NUP210: variants seen among roughly 807,000 people sequenced by gnomAD.
The protein encoded by NUP210 is nucleoporin 210.
In NUP210, 151 loss-of-function variants were observed where a neutral mutation model predicts 196.0. That is an observed-to-expected ratio of 0.77 (90% CI 0.67 to 0.88). The LOEUF (loss-of-function observed/expected upper bound fraction) is 0.88. NUP210 is among the 40% of genes least tolerant of loss of function. NUP210 has a pLI of 0.00. For synonymous variants in NUP210, 1,070 were observed against 1,052.7 expected (o/e 1.02, Z -0.32); for missense variants, 2,314 against 2,493.7 (o/e 0.93, Z 1.53).
Position 13,340,144 on chromosome 3 carries a change from A to G in NUP210, c.3291+92T>C. The G allele has an allele frequency of 1.9e-6, 3 of 1,603,460 alleles. No homozygotes were observed. Among genetic ancestry groups the G allele is most frequent in the Non-Finnish European group, 2.6e-6 (3 of 1,172,772 alleles). On this transcript the variant is annotated intron_variant, in intron 24 of 39. Coordinates refer to ENST00000254508, the MANE Select transcript of NUP210 (RefSeq NM_024923.4). This position sits in a 1 kb window ranked among gnomAD's most constrained non-coding sequence, Gnocchi z 4.0. Reference sequence around the variant, plus strand: ...CAGGCAGCTTCTGCCTTCTTCTCCCAGTCACTGCACGCAGGGCCAGAGGCG... The same window carrying G: ...CAGGCAGCTTCTGCCTTCTTCTCCCGGTCACTGCACGCAGGGCCAGAGGCG...
chr3:13,334,940 ACTTACCCTGTGAC>A (rs1697148403), intron 28 of NUP210, among the ~76,000 whole-genome samples: 1 of 151,954 alleles, frequency 6.6e-6, no homozygotes, highest in South Asian at 2.1e-4. Context: ...GCCACCCCCA[ACTTACCCTGTGAC>A]CTTGACCCTC....
chr3:13,358,699 G>A (rs1016096221), intron 15 of NUP210, among the ~76,000 whole-genome samples: 4 of 152,134 alleles, frequency 2.6e-5, no homozygotes, highest in Non-Finnish European at 5.9e-5. Flanking sequence ...AAAACCCCAC[G>A]GTTGCATTAG....
chr3:13,378,420 A>G (rs1266284294), intron 8 of NUP210, among the ~76,000 whole-genome samples: 1 of 152,186 alleles, frequency 6.6e-6, no homozygotes, highest in South Asian at 2.1e-4. Context: ...CTTCCACACC[A>G]TTGCCTAAGC....
intron 31 of NUP210, 67 bp downstream of exon 31, chr3:13,328,703 TC>T: frequency 1.4e-6 from 2 of 1,405,042 alleles, no homozygotes; most frequent in Non-Finnish European, 2.0e-6. Context: ...TTCTGTGTTA[TC>T]CCCAGTTGTC....
rs1216152518 is a variant in NUP210 at position 13,327,326 on chromosome 3, G to A, written c.4398C>T (p.Leu1466=). The change falls in exon 32 of 40, where the codon CTC becomes CTT. Residue 1466 remains leucine, a synonymous_variant. Transcript: ENST00000254508. ...GGACAGGCAGGGGCATGAAGTCCGA[G>A]AGGCCCGGGTGCTCTGCGTCCCACA... ...LRVWDAEHPG[L]SDFMPLPVLQ... 2 of 1,613,330 alleles carry A rather than the reference G, an allele frequency of 1.2e-6. No individual in the cohort carries two copies. Among genetic ancestry groups the A allele is most frequent in the African/African-American group, 2.7e-5 (2 of 74,928 alleles).
At chr3:13,319,417 T>A in intron 37 of NUP210, 92 bp from the exon 38 acceptor site, 1 of 1,051,912 alleles carries the variant, frequency 9.5e-7, no homozygotes, top group South Asian at 1.4e-5. Flanking sequence ...TACAGGGCAG[T>A]CCACAGGTCC....
At chr3:13,356,047 A>C (rs532633831) in intron 16 of NUP210, among the ~76,000 whole-genome samples, 3 of 152,336 alleles carry the variant, frequency 2.0e-5, no homozygotes, top group African/African-American at 7.2e-5. Flanking sequence ...CCCCTGACTC[A>C]GTGTGGCCAA....
rs546477543 is a variant in NUP210, at chr3:13,363,282, G to A, written c.1932+2664C>T. 5.3e-5 allele frequency among the ~76,000 whole-genome samples: 8 copies of A among 152,244 alleles called. No individual in the cohort carries two copies. In the South Asian group the frequency reaches 1.0e-3, roughly 20 times the overall value. ...CCAAGCTAACCCAGCTGGTGGGCCC[G>A]GGTCTGTTCTGACTCTTGATCCCAT... On this transcript the variant is annotated intron_variant, in intron 14 of 39. Transcript: ENST00000254508.
At chr3:13,396,760 C>CA (rs71066951) in intron 3 of NUP210, among the ~76,000 whole-genome samples, 22,473 of 62,138 alleles carry the variant, frequency 0.36, 5,362 homozygotes, top group East Asian at 0.65. Context: ...GACTCTGTCT[C>CA]AAAAAAAAAA....
At position 13,323,365 on chromosome 3, in the gene NUP210, T is replaced by A; in HGVS notation, c.4712A>T (p.Glu1571Val). The change falls in exon 34 of 40, where the codon GAG becomes GTG. Residue 1571 changes from glutamate to valine, a missense_variant. Glu to Val is a moderately radical substitution (Grantham distance 121, BLOSUM62 -2). Transcript: ENST00000254508. The surrounding 1 kb of genome is among the most constrained non-coding windows in gnomAD (Gnocchi z 4.3). ...HLHPIQTSFQ[E>V]ATASKVIVAV... ...AACAATCACTTTGGAGGCTGTAGCC[T>A]CCTGGAAGCTGGTCTGGATGGGGTG... The A allele has an allele frequency of 6.2e-7, 1 of 1,614,138 alleles. No homozygotes were observed. Among genetic ancestry groups the A allele is most frequent in the South Asian group, 1.1e-5 (1 of 91,076 alleles).
intron 13 of NUP210, among the ~76,000 whole-genome samples, chr3:13,367,080 C>T (rs1156686318): frequency 1.1e-4 from 16 of 151,782 alleles, no homozygotes; most frequent in African/African-American, 3.9e-4. Flanking sequence ...GAGCCGAAAT[C>T]GCACCATTGC....
intron 15 of NUP210, among the ~76,000 whole-genome samples, chr3:13,359,177 G>A (rs1263916367): frequency 6.6e-6 from 1 of 152,186 alleles, no homozygotes; most frequent in African/African-American, 2.4e-5. Context: ...GTCTGCACCT[G>A]GTGCCGCATG....
chr3:13,404,344 G>GT lies in NUP210; in HGVS notation c.168-4484dup, dbSNP rs1699933393. Among the ~76,000 whole-genome samples the GT allele has an allele frequency of 3.9e-5, 6 of 152,206 alleles. No individual in the cohort carries two copies. In the South Asian group the frequency reaches 1.2e-3, roughly 32 times the overall value. On this transcript the variant is annotated intron_variant, in intron 1 of 39. Transcript: ENST00000254508. ...AATAGAGAAGGTGGAAGTGGAAATG[G>GT]TGGGGGTAGTAAGGAGGAATTCACT...
chr3:13,353,663 G>A lies in NUP210; in HGVS notation c.2522-3C>T, dbSNP rs765329916. 1 of 1,613,628 alleles carries A rather than the reference G, an allele frequency of 6.2e-7. No individual in the cohort carries two copies. The highest frequency in any genetic ancestry group is 2.2e-5 in the East Asian group (1 of 44,882). On this transcript the variant is annotated splice_region_variant and splice_polypyrimidine_tract_variant and intron_variant, in intron 17 of 39. Transcript: ENST00000254508. ...GTGAACCAAAATGGCCTGCAAACCT[G>A]AGACCAGGAAGAAGGAAGCCACCGT... is the stretch of plus-strand genomic sequence containing the variant.
Position 13,347,225 on chromosome 3 carries a change from C to G in NUP210, c.2836-3922G>C. ...GAGCTGGGCCCCCCGGCTTCATTCCCTCCTGAATCCGCAGTGCTTAACACA... is the reference window on the plus strand; with the variant it reads ...GAGCTGGGCCCCCCGGCTTCATTCCGTCCTGAATCCGCAGTGCTTAACACA... On this transcript the variant is annotated intron_variant, in intron 20 of 39. Coordinates refer to ENST00000254508, the MANE Select transcript of NUP210 (RefSeq NM_024923.4). This position sits in a 1 kb window ranked among gnomAD's most constrained non-coding sequence, Gnocchi z 4.7. 2.0e-6 allele frequency: 2 copies of G among 985,298 alleles called. No homozygotes were observed. The highest frequency in any genetic ancestry group is 2.4e-6 in the Non-Finnish European group (2 of 829,828). 61.0% of individuals were successfully genotyped at this position (985,298 alleles called of 1,614,324 possible). A position where few individuals can be genotyped will look rare whatever the true frequency, so the allele number is the denominator to read the frequency against.
At chr3:13,351,489 C>CT (rs201755776) in intron 20 of NUP210, among the ~76,000 whole-genome samples, 14 of 151,904 alleles carry the variant, frequency 9.2e-5, no homozygotes, top group Admixed American at 7.9e-4. Context: ...TAAGTGCCAG[C>CT]TTTTTTTTGG....
Position 13,412,231 on chromosome 3 carries a change from C to CTTTTT in NUP210, c.167+7824_167+7828dup, listed in dbSNP as rs71066953. On this transcript the variant is annotated intron_variant, in intron 1 of 39. Transcript: ENST00000254508. ...CCACACCCAGCTTTATTTTCCTTTT[C>CTTTTT]TTTTTTTTTTTTTTTTAGTAGAGAC... 4.7e-4 allele frequency among the ~76,000 whole-genome samples: 49 copies of CTTTTT among 104,736 alleles called. 2 individuals are homozygous for CTTTTT. Among genetic ancestry groups the CTTTTT allele is most frequent in the Middle Eastern group, 5.2e-3 (1 of 194 alleles). 68.7% of individuals were successfully genotyped at this position (104,736 alleles called of 152,430 possible).
chr3:13,324,025 T>C (rs1696644142), intron 33 of NUP210, among the ~76,000 whole-genome samples: 1 of 152,166 alleles, frequency 6.6e-6, no homozygotes, highest in African/African-American at 2.4e-5. Context: ...AGATCTGATT[T>C]CTACCAGTAG....
At chr3:13,375,714 C>T (rs1698881095) in intron 10 of NUP210, 73 bp from the exon 11 acceptor site, 3 of 1,506,108 alleles carry the variant, frequency 2.0e-6, no homozygotes, top group African/African-American at 1.4e-5. Flanking sequence ...TCACCGGACC[C>T]CCACCCCTCC....
Sources: gnomAD v4.1 joint callset for allele counts (sites outside exome capture counted in the v4.1 genomes callset) on GRCh38, gnomAD v4.1.1 for gene constraint, Gnocchi (gnomAD v3.1) non-coding constraint, MANE v1.5 for transcripts, NCBI Gene and HGNC (gene_info 2026-07-23, HGNC 2026-07-21) for gene names.